PTPRN2: variants seen among roughly 807,000 people sequenced by gnomAD.
PTPRN2 encodes the protein protein tyrosine phosphatase receptor type N2.
In PTPRN2, 74 loss-of-function variants were observed where a neutral mutation model predicts 118.8. The observed-to-expected ratio is 0.62, with a 90% CI of 0.52 to 0.76. PTPRN2 has a LOEUF of 0.76. PTPRN2 is among the 30% of genes least tolerant of loss of function. The pLI is 0.00. For missense variants in PTPRN2, 1,481 were observed against 1,394.4 expected, an observed-to-expected ratio of 1.06 and a Z score of -0.99; for synonymous variants, 641 against 608.0, an observed-to-expected ratio of 1.05 and a Z score of -0.80.
At chr7:158,159,683 A>G (rs1822185886) in intron 6 of PTPRN2, among the ~76,000 whole-genome samples, 1 of 151,858 alleles carries the variant, frequency 6.6e-6, no homozygotes. Flanking sequence ...TTCATTTAGA[A>G]AACGGTGTCT....
In PTPRN2 at chr7:158,555,186, G is replaced by A. The variant is rs1030802880; in HGVS notation, c.112+32372C>T. 5.3e-5 allele frequency among the ~76,000 whole-genome samples: 8 copies of A among 152,110 alleles called. No homozygotes were observed. Among genetic ancestry groups the A allele is most frequent in the South Asian group, 2.1e-4 (1 of 4,830 alleles). The stretch of plus-strand genomic sequence containing the variant: ...GACTGATCTACTGCAAATCACCCCC[G>A]ACGCAACCACCAACTCCGCCAGAGG... On this transcript the variant is annotated intron_variant, in intron 1 of 22. Coordinates refer to ENST00000389418, the MANE Select transcript of PTPRN2 (RefSeq NM_002847.5). The surrounding 1 kb of genome is among the most constrained non-coding windows in gnomAD (Gnocchi z 4.7).
chr7:158,281,026 G>C (rs1394434569), intron 3 of PTPRN2, among the ~76,000 whole-genome samples: 3 of 152,234 alleles, frequency 2.0e-5, no homozygotes, highest in African/African-American at 7.2e-5. Flanking sequence ...CTTGAGGGCT[G>C]GGCGCAGTGG....
At chr7:157,766,182 C>CCAAT (rs1220933528) in intron 12 of PTPRN2, among the ~76,000 whole-genome samples, 1 of 144,572 alleles carries the variant, frequency 6.9e-6, no homozygotes, top group African/African-American at 2.6e-5. Context: ...CATCTGTCCA[C>CCAAT]CAATCCATCC....
chr7:157,800,750 A>G (rs1291952785), intron 12 of PTPRN2, among the ~76,000 whole-genome samples: 1 of 152,020 alleles, frequency 6.6e-6, no homozygotes. Context: ...CAGGAGATCG[A>G]GACCATCCTG....
At chr7:157,984,935 C>A (rs1803657180) in intron 11 of PTPRN2, among the ~76,000 whole-genome samples, 1 of 152,196 alleles carries the variant, frequency 6.6e-6, no homozygotes, top group African/African-American at 2.4e-5. Context: ...CTCCTGGCTT[C>A]CCCACCCCGT....
At chr7:157,701,772 C>G (rs13228663) in intron 12 of PTPRN2, among the ~76,000 whole-genome samples, 23,911 of 150,974 alleles carry the variant, frequency 0.16, 2,313 homozygotes, top group Non-Finnish European at 0.22. Context: ...GTAACTGACA[C>G]GGGCTGTGGG....
chr7:158,234,430 C>A (rs1333264997), intron 3 of PTPRN2, among the ~76,000 whole-genome samples: 1 of 151,728 alleles, frequency 6.6e-6, no homozygotes, highest in Non-Finnish European at 1.5e-5. Flanking sequence ...AAATGGCCAA[C>A]AGATATAGTC....
rs1805333654 is a variant in PTPRN2 at position 157,648,675 on chromosome 7, T to G, written c.2196+7682A>C. 2.1e-5 allele frequency among the ~76,000 whole-genome samples: 3 copies of G among 142,818 alleles called. 1 individual carries two copies. The Admixed American group carries it at 2.1e-4, about 10-fold the overall frequency. The allele number at this position is 142,818 out of a possible 152,430, so 93.7% of individuals were successfully genotyped here. A position where few individuals can be genotyped will look rare whatever the true frequency, so the allele number is the denominator to read the frequency against. ...CACTGAACTCGGTGGGTCAGACCCT[T>G]TCACTGTGCACTGAACTCGGTGGGT... On this transcript the variant is annotated intron_variant, in intron 14 of 22. Coordinates refer to ENST00000389418, the MANE Select transcript of PTPRN2 (RefSeq NM_002847.5).
chr7:158,327,313 A>G (rs949232101), intron 2 of PTPRN2, among the ~76,000 whole-genome samples: 248 of 151,256 alleles, frequency 1.6e-3, no homozygotes, highest in Non-Finnish European at 2.9e-3. Flanking sequence ...TCACACATAC[A>G]CATTCTCACA....
intron 11 of PTPRN2, among the ~76,000 whole-genome samples, chr7:157,940,105 T>C (rs1362449977): frequency 6.6e-6 from 1 of 152,120 alleles, no homozygotes; most frequent in Non-Finnish European, 1.5e-5. Flanking sequence ...TGTCAAGAGT[T>C]CCAGTCCAGG....
chr7:158,310,976 C>T (rs533896398), intron 3 of PTPRN2, among the ~76,000 whole-genome samples: 1 of 152,362 alleles, frequency 6.6e-6, no homozygotes, highest in South Asian at 2.1e-4. Flanking sequence ...CAACCCCACA[C>T]CACACATCTG....
intron 2 of PTPRN2, among the ~76,000 whole-genome samples, chr7:158,447,343 G>A (rs917603004): frequency 6.6e-6 from 1 of 152,156 alleles, no homozygotes; most frequent in Non-Finnish European, 1.5e-5. Context: ...ATACCTAATT[G>A]GCTGTATAAA....
chr7:158,083,940 G>GGCTCTTCCCTAAAACCCATGGTGGCT (rs71189765), intron 10 of PTPRN2, among the ~76,000 whole-genome samples: 1 of 151,696 alleles, frequency 6.6e-6, no homozygotes, highest in Non-Finnish European at 1.5e-5. Context: ...AATATGTGCA[G>GGCTCTTCCCTAAAACCCATGGTGGCT]GCTCTGACGT....
intron 2 of PTPRN2, 70 bp downstream of exon 2, chr7:158,489,665 G>A (rs1333853829): frequency 6.8e-6 from 10 of 1,477,654 alleles, no homozygotes; most frequent in South Asian, 5.0e-5. Context: ...GGGCTCACCA[G>A]GCTGGGCGCT....
In PTPRN2 at chr7:157,540,490, A is replaced by G. The variant is rs1172281741; in HGVS notation, c.*224T>C. Reference sequence around the variant, plus strand: ...TTTTTAAGCAAGTGAAAATTGATGAACCGATTCCCCTCCACCCGTAACTGG... The same window carrying G: ...TTTTTAAGCAAGTGAAAATTGATGAGCCGATTCCCCTCCACCCGTAACTGG... On this transcript the variant is annotated 3_prime_UTR_variant, in exon 23 of 23. Coordinates refer to ENST00000389418, the MANE Select transcript of PTPRN2 (RefSeq NM_002847.5). 2 of 407,340 alleles carry G rather than the reference A, an allele frequency of 4.9e-6. No individual in the cohort carries two copies. The highest frequency in any genetic ancestry group is 8.7e-6 in the Non-Finnish European group (2 of 228,596). The allele number at this position is 407,340 out of a possible 1,614,324, so 25.2% of individuals were successfully genotyped here. A position where few individuals can be genotyped will look rare whatever the true frequency, so the allele number is the denominator to read the frequency against.
intron 11 of PTPRN2, among the ~76,000 whole-genome samples, chr7:157,979,682 C>T (rs1414091389): frequency 2.0e-5 from 3 of 152,168 alleles, no homozygotes; most frequent in South Asian, 2.1e-4. Context: ...CTGGTGCTCC[C>T]GGTGGCTGAC....
intron 1 of PTPRN2, chr7:158,537,509 A>T (rs559321291): frequency 1.3e-5 from 2 of 152,438 alleles, no homozygotes; most frequent in Non-Finnish European, 2.9e-5. Context: ...TCCAAGCTCC[A>T]GCTCCCTCTG....
rs1446440002 is a variant in PTPRN2 at position 157,881,571 on chromosome 7, AC to A, written c.1788+17101del. On this transcript the variant is annotated intron_variant, in intron 12 of 22. Transcript: ENST00000389418. This position sits in a 1 kb window ranked among gnomAD's most constrained non-coding sequence, Gnocchi z 4.7. ...GGACGCACATGGTCAACATGGCAAC[AC>A]CCCCTCAGTACACCCTAGACATCTG... Among the ~76,000 whole-genome samples, 1 of 151,734 alleles carries A rather than the reference AC, an allele frequency of 6.6e-6. No individual in the cohort carries two copies. Among genetic ancestry groups the A allele is most frequent in the Non-Finnish European group, 1.5e-5 (1 of 67,966 alleles).
At chr7:158,205,009 A>G (rs1827004484) in intron 4 of PTPRN2, among the ~76,000 whole-genome samples, 162 bp downstream of exon 4, 1 of 152,216 alleles carries the variant, frequency 6.6e-6, no homozygotes, top group African/African-American at 2.4e-5. Context: ...TCTCATGGGA[A>G]CCAAACTTTT....
Sources: gnomAD v4.1 joint callset for allele counts (sites outside exome capture counted in the v4.1 genomes callset) on GRCh38, gnomAD v4.1.1 for gene constraint, Gnocchi (gnomAD v3.1) non-coding constraint, MANE v1.5 for transcripts, NCBI Gene and HGNC (gene_info 2026-07-23, HGNC 2026-07-21) for gene names.